SHC3: variants seen among roughly 807,000 people sequenced by gnomAD.
SHC3 encodes SHC-transforming protein 3.
A neutral mutation model predicts 60.4 loss-of-function variants in SHC3; 15 were observed. That is an observed-to-expected ratio of 0.25 (90% CI 0.17 to 0.38). The LOEUF is 0.38. Among genes scored for constraint, SHC3 ranks in the 10% least tolerant of loss-of-function variants. SHC3 has a pLI of 1.00. For missense variants in SHC3, 677 were observed against 786.1 expected (o/e 0.86, Z 1.66); for synonymous variants, 294 against 325.9 (o/e 0.90, Z 1.05).
intron 2 of SHC3, among the ~76,000 whole-genome samples, chr9:89,100,220 C>T (rs980901829): frequency 4.6e-5 from 7 of 152,088 alleles, no homozygotes; most frequent in Non-Finnish European, 7.3e-5. Context: ...TTTCTGAAAT[C>T]GCTGTGGGCC....
At chr9:89,169,081 T>G (rs1001672626) in intron 1 of SHC3, among the ~76,000 whole-genome samples, 1 of 152,216 alleles carries the variant, frequency 6.6e-6, no homozygotes, top group Non-Finnish European at 1.5e-5. Flanking sequence ...CAATTCCTTA[T>G]AATAAATCTC....
chr9:89,174,851 T>C (rs1236174622), intron 1 of SHC3, among the ~76,000 whole-genome samples: 1 of 152,202 alleles, frequency 6.6e-6, no homozygotes, highest in Non-Finnish European at 1.5e-5. Flanking sequence ...CTGCCTCCTG[T>C]CCCCTGCACT....
chr9:89,107,766 C>T (rs1330672445), intron 2 of SHC3, among the ~76,000 whole-genome samples: 1 of 152,226 alleles, frequency 6.6e-6, no homozygotes, highest in Non-Finnish European at 1.5e-5. Context: ...CACATGACTG[C>T]TCTCTGTTCT....
At chr9:89,117,573 A>G (rs1166643229) in intron 1 of SHC3, among the ~76,000 whole-genome samples, 1 of 152,114 alleles carries the variant, frequency 6.6e-6, no homozygotes, top group Non-Finnish European at 1.5e-5. Flanking sequence ...TATCTGACAA[A>G]AATTATTGCT....
intron 2 of SHC3, among the ~76,000 whole-genome samples, chr9:89,100,354 G>A (rs550352547): frequency 3.3e-5 from 5 of 152,156 alleles, no homozygotes; most frequent in East Asian, 3.9e-4. Flanking sequence ...CAAGTTTATT[G>A]AGGTATAATA....
chr9:89,074,368 C>G (rs1031246340), intron 4 of SHC3, among the ~76,000 whole-genome samples: 5 of 152,110 alleles, frequency 3.3e-5, no homozygotes, highest in African/African-American at 1.2e-4. Context: ...TCCACACCCC[C>G]CTGGATACTG....
chr9:89,154,698 C>A (rs913744015), intron 1 of SHC3, among the ~76,000 whole-genome samples: 1 of 152,146 alleles, frequency 6.6e-6, no homozygotes, highest in African/African-American at 2.4e-5. Context: ...AGACCTAGAA[C>A]GCCTTTGTAA....
At chr9:89,075,046 G>A (rs918392047) in intron 4 of SHC3, 63 bp downstream of exon 4, 13 of 1,572,304 alleles carry the variant, frequency 8.3e-6, no homozygotes, top group Non-Finnish European at 1.1e-5. Context: ...CAAGGAAGAA[G>A]CCTGCGAAAC....
chr9:89,037,820 C>T (rs1257021206), intron 11 of SHC3, among the ~76,000 whole-genome samples, 173 bp downstream of exon 11: 1 of 152,254 alleles, frequency 6.6e-6, no homozygotes, highest in Non-Finnish European at 1.5e-5. Flanking sequence ...TGGCTCCTGG[C>T]TCCTGGCTCT....
At position 89,153,877 on chromosome 9, in the gene SHC3, C is replaced by T. The variant is rs146585846; in HGVS notation, c.474+24110G>A. Among the ~76,000 whole-genome samples the T allele has an allele frequency of 5.0e-4, 76 of 152,320 alleles. No individual in the cohort carries two copies. In the East Asian group the frequency reaches 0.012, roughly 25 times the overall value. On this transcript the variant is annotated intron_variant, in intron 1 of 11. Transcript: ENST00000375835. ...GTAGGACTGGGGATGGCTCAGACTG[C>T]GGACCTTCAGTGAGCCTCTGCCACC...
intron 1 of SHC3, among the ~76,000 whole-genome samples, chr9:89,167,289 G>A (rs1045122434): frequency 6.6e-6 from 1 of 152,186 alleles, no homozygotes; most frequent in African/African-American, 2.4e-5. Flanking sequence ...TACTTCCAGT[G>A]AAAAAAGTCA....
chr9:89,100,222 C>T (rs1825763106), intron 2 of SHC3, among the ~76,000 whole-genome samples: 1 of 152,090 alleles, frequency 6.6e-6, no homozygotes, highest in South Asian at 2.1e-4. Flanking sequence ...TCTGAAATCG[C>T]TGTGGGCCAG....
Position 89,083,037 on chromosome 9 carries a change from C to A in SHC3, c.546-5134G>T, listed in dbSNP as rs6559341. On this transcript the variant is annotated intron_variant, in intron 2 of 11. Coordinates refer to ENST00000375835, the MANE Select transcript of SHC3 (RefSeq NM_016848.6). ...GCCTTCCCAGGACAGAAAACAGCAC[C>A]GTGGTCCACCCAGCAGCTCTCACCC... Among the ~76,000 whole-genome samples the A allele has an allele frequency of 5.9e-5, 9 of 152,270 alleles. No homozygotes were observed. In the East Asian group the frequency reaches 1.4e-3, roughly 23 times the overall value.
At chr9:89,172,847 G>T (rs187187091) in intron 1 of SHC3, among the ~76,000 whole-genome samples, 2 of 152,042 alleles carry the variant, frequency 1.3e-5, no homozygotes, top group African/African-American at 4.8e-5. Flanking sequence ...CATTGAACAT[G>T]CTGGCTCTTC....
Position 89,014,358 on chromosome 9 carries a change from A to G in SHC3, c.1657-783T>C, listed in dbSNP as rs11137483. Among the ~76,000 whole-genome samples the G allele has an allele frequency of 1.0e-3, 156 of 152,256 alleles. 1 individual carries two copies. The highest frequency in any genetic ancestry group is 3.7e-3 in the African/African-American group (154 of 41,556). On this transcript the variant is annotated intron_variant, in intron 11 of 11. Coordinates refer to ENST00000375835, the MANE Select transcript of SHC3 (RefSeq NM_016848.6). ...ATTCACAGATATCACTCACACTTGA[A>G]AAAGGTGGAGTGGGGCCTGTCAGGA...
At chr9:89,145,317 A>ATGG (rs1826453398) in intron 1 of SHC3, among the ~76,000 whole-genome samples, 3 of 152,232 alleles carry the variant, frequency 2.0e-5, no homozygotes, top group Admixed American at 2.0e-4. Flanking sequence ...TTGCCAAGAG[A>ATGG]ATGCCTTGTA....
At chr9:89,155,426 G>A (rs938897348) in intron 1 of SHC3, among the ~76,000 whole-genome samples, 2 of 152,120 alleles carry the variant, frequency 1.3e-5, no homozygotes, top group Non-Finnish European at 2.9e-5. Flanking sequence ...AAGAATGATG[G>A]TCTTGGGGGT....
chr9:89,047,197 C>A (rs912924616), intron 7 of SHC3, among the ~76,000 whole-genome samples: 1 of 152,224 alleles, frequency 6.6e-6, no homozygotes, highest in East Asian at 1.9e-4. Flanking sequence ...CTCATTGGAA[C>A]ATTTCAATCA....
intron 11 of SHC3, among the ~76,000 whole-genome samples, chr9:89,031,111 C>T (rs1017943800): frequency 4.6e-5 from 7 of 152,234 alleles, no homozygotes; most frequent in African/African-American, 1.7e-4. Context: ...GTCTTGAACT[C>T]CCAGCCTCAA....
Sources: allele counts gnomAD v4.1 joint callset (sites outside exome capture counted in the v4.1 genomes callset), GRCh38; gene constraint gnomAD v4.1.1; transcripts MANE v1.5; gene names NCBI Gene and HGNC (gene_info 2026-07-23, HGNC 2026-07-21).